SCFD2: variants seen among roughly 807,000 people sequenced by gnomAD.
The protein encoded by SCFD2 is sec1 family domain containing 2.
A neutral mutation model predicts 58.9 loss-of-function variants in SCFD2; 54 were observed. The ratio of observed to expected loss-of-function variants is 0.92; its 90% CI spans 0.74 to 1.15. The LOEUF (loss-of-function observed/expected upper bound fraction) is 1.15, where lower values mean the gene tolerates loss of function less well. Ranked by LOEUF, SCFD2 falls within the 50% of genes most tolerant of loss-of-function variation. The pLI, the probability that SCFD2 is intolerant of heterozygous loss-of-function variation, is 0.00. For synonymous variants in SCFD2, 321 were observed against 335.9 expected, an observed-to-expected ratio of 0.96 and a Z score of 0.49; for missense variants, 805 against 836.6, an observed-to-expected ratio of 0.96 and a Z score of 0.47.
Position 53,145,484 on chromosome 4 carries a change from T to C in SCFD2, c.1410A>G (p.Glu470=). 6.2e-7 allele frequency: 1 copy of C among 1,614,120 alleles called. No individual in the cohort carries two copies. Among genetic ancestry groups the C allele is most frequent in the Non-Finnish European group, 8.5e-7 (1 of 1,179,970 alleles). ...QRTNEDYSPE[E]LLILLIYIYS... ...AAATATATATGAGAAGGATCAGCAGTTCCTCAGGGCTGTAGTCCTCGTTGG... is the reference window on the plus strand; with the variant it reads ...AAATATATATGAGAAGGATCAGCAGCTCCTCAGGGCTGTAGTCCTCGTTGG... Residue 470 remains glutamate, a synonymous_variant, in exon 5 of 9, where the codon GAA becomes GAG. Coordinates refer to ENST00000401642, the MANE Select transcript of SCFD2 (RefSeq NM_152540.4).
At chr4:53,245,043 C>A (rs1344235011) in intron 4 of SCFD2, among the ~76,000 whole-genome samples, 1 of 151,928 alleles carries the variant, frequency 6.6e-6, no homozygotes, top group East Asian at 1.9e-4. Flanking sequence ...TACACCCTCC[C>A]AAGAATCAAC....
At chr4:53,245,896 A>G (rs1404392152) in intron 4 of SCFD2, among the ~76,000 whole-genome samples, 1 of 152,210 alleles carries the variant, frequency 6.6e-6, no homozygotes, top group African/African-American at 2.4e-5. Flanking sequence ...AAGTAGGAAG[A>G]CAGAAAGTCA....
At chr4:53,205,760 G>C (rs748919898) in intron 4 of SCFD2, among the ~76,000 whole-genome samples, 1 of 151,890 alleles carries the variant, frequency 6.6e-6, no homozygotes, top group Admixed American at 6.6e-5. Context: ...TACTCGGGAG[G>C]CTGAGGCAGG....
chr4:52,897,141 C>T (rs1011168875), intron 7 of SCFD2, among the ~76,000 whole-genome samples: 3 of 152,094 alleles, frequency 2.0e-5, no homozygotes, highest in African/African-American at 4.8e-5. Context: ...AATTGAATAC[C>T]CTTTATTTCC....
chr4:53,347,573 A>T (rs1263763675), intron 2 of SCFD2, among the ~76,000 whole-genome samples: 1 of 152,210 alleles, frequency 6.6e-6, no homozygotes, highest in African/African-American at 2.4e-5. Context: ...GATGGACAGG[A>T]AAGGCCCCAC....
intron 5 of SCFD2, among the ~76,000 whole-genome samples, chr4:53,114,057 G>A (rs1725250505): frequency 6.6e-6 from 1 of 152,084 alleles, no homozygotes; most frequent in Admixed American, 6.6e-5. Flanking sequence ...CCACTTACTA[G>A]CTGTGTGACC....
chr4:53,038,419 T>C (rs1722816063), intron 5 of SCFD2, among the ~76,000 whole-genome samples: 2 of 152,186 alleles, frequency 1.3e-5, no homozygotes, highest in Admixed American at 1.3e-4. Flanking sequence ...GATACAACTC[T>C]TCAGATTGAT....
At chr4:52,942,177 C>G (rs1720310656) in intron 5 of SCFD2, among the ~76,000 whole-genome samples, 1 of 152,110 alleles carries the variant, frequency 6.6e-6, no homozygotes, top group Non-Finnish European at 1.5e-5. Context: ...AATCTTGACT[C>G]TAGATGGTAG....
chr4:52,916,080 C>T (rs962835846), intron 6 of SCFD2, among the ~76,000 whole-genome samples: 10 of 152,210 alleles, frequency 6.6e-5, no homozygotes, highest in Non-Finnish European at 5.9e-5. Context: ...AAGATGCATG[C>T]CAAGGCAAGC....
chr4:53,145,516 G>C lies in SCFD2; in HGVS notation c.1378C>G (p.Gln460Glu). 1 of 1,614,042 alleles carries C rather than the reference G, an allele frequency of 6.2e-7. No individual in the cohort carries two copies. Among genetic ancestry groups the C allele is most frequent in the Non-Finnish European group, 8.5e-7 (1 of 1,179,944 alleles). The change falls in exon 5 of 9, where the codon CAG becomes GAG. Residue 460 changes from glutamine (Q) to glutamate (E), a missense_variant. This residue lies in a region of SCFD2 where 633 missense variants were observed against 646.8 expected (regional missense o/e 0.98). Coordinates refer to ENST00000401642, the MANE Select transcript of SCFD2 (RefSeq NM_152540.4). ...QLLPMIKPVT[Q>E]RTNEDYSPEE... ...GGGCTGTAGTCCTCGTTGGTTCTCTGGGTTACAGGCTTAATCATGGGCAGC... is the reference window on the plus strand; with the variant it reads ...GGGCTGTAGTCCTCGTTGGTTCTCTCGGTTACAGGCTTAATCATGGGCAGC...
chr4:53,155,724 C>T (rs374948739), intron 4 of SCFD2, among the ~76,000 whole-genome samples: 2 of 152,072 alleles, frequency 1.3e-5, no homozygotes, highest in African/African-American at 4.8e-5. Context: ...ATAATTTTAC[C>T]AAGAACTAGT....
rs530927825 is a variant in SCFD2, at chr4:53,143,867, C to T, written c.1561+1466G>A. Among the ~76,000 whole-genome samples, 32 of 151,998 alleles carry T rather than the reference C, an allele frequency of 2.1e-4. No homozygotes were observed. In the South Asian group the frequency reaches 6.4e-3, roughly 31 times the overall value. ...AAATGTGGTACATTTTTAAAGTACT[C>T]ACATTTCACATAGAACTTTTAATAA... On this transcript the variant is annotated intron_variant, in intron 5 of 8. Coordinates refer to ENST00000401642, the MANE Select transcript of SCFD2 (RefSeq NM_152540.4).
chr4:52,910,526 C>T (rs1719460067), intron 6 of SCFD2, among the ~76,000 whole-genome samples: 1 of 152,132 alleles, frequency 6.6e-6, no homozygotes, highest in African/African-American at 2.4e-5. Flanking sequence ...ATGAAGGGAA[C>T]ATAAAGATAT....
At position 52,892,714 on chromosome 4, in the gene SCFD2, T is replaced by G. The variant is rs190812912; in HGVS notation, c.1843-6848A>C. On this transcript the variant is annotated intron_variant, in intron 7 of 8. Coordinates refer to ENST00000401642, the MANE Select transcript of SCFD2 (RefSeq NM_152540.4). Reference sequence around the variant, plus strand: ...CATCCACCACACCACTTATCTCTCCTCTCTGCAATCCTCAATTTTCTTATC... The same window carrying G: ...CATCCACCACACCACTTATCTCTCCGCTCTGCAATCCTCAATTTTCTTATC... Among the ~76,000 whole-genome samples the G allele has an allele frequency of 2.1e-3, 320 of 152,328 alleles. 1 individual carries two copies. Among genetic ancestry groups the G allele is most frequent in the Non-Finnish European group, 3.7e-3 (252 of 68,028 alleles).
intron 2 of SCFD2, among the ~76,000 whole-genome samples, chr4:53,323,755 CTG>C (rs1178570868): frequency 1.3e-5 from 2 of 151,626 alleles, no homozygotes; most frequent in Non-Finnish European, 1.5e-5. Context: ...ATAAATAATT[CTG>C]TGTGTGTGTA....
intron 5 of SCFD2, among the ~76,000 whole-genome samples, chr4:52,998,127 G>A (rs1325713455): frequency 6.6e-6 from 1 of 152,148 alleles, no homozygotes; most frequent in Admixed American, 6.5e-5. Context: ...AGTTAGTGGT[G>A]AAACTGAGAT....
intron 5 of SCFD2, among the ~76,000 whole-genome samples, chr4:53,105,305 C>A (rs1724959313): frequency 6.7e-6 from 1 of 150,116 alleles, no homozygotes. Flanking sequence ...TTTTTCATAC[C>A]CCAGTGGCAC....
At chr4:53,077,701 G>A (rs969106422) in intron 5 of SCFD2, among the ~76,000 whole-genome samples, 3 of 152,092 alleles carry the variant, frequency 2.0e-5, no homozygotes, top group Non-Finnish European at 4.4e-5. Flanking sequence ...GCCCCCCAAA[G>A]TGCTAGGATT....
At chr4:53,149,617 A>G (rs1726447753) in intron 4 of SCFD2, among the ~76,000 whole-genome samples, 1 of 152,196 alleles carries the variant, frequency 6.6e-6, no homozygotes, top group South Asian at 2.1e-4. Flanking sequence ...ACTTGCTTCT[A>G]AAAGTAGAAT....
Sources: gnomAD v4.1 joint callset for allele counts (sites outside exome capture counted in the v4.1 genomes callset) on GRCh38, gnomAD v4.1.1 for gene constraint, gnomAD v4.1.1 regional missense constraint, MANE v1.5 for transcripts, NCBI Gene and HGNC (gene_info 2026-07-23, HGNC 2026-07-21) for gene names.